SLC4A10: variants seen among roughly 807,000 people sequenced by gnomAD.
The protein encoded by SLC4A10 is solute carrier family 4 member 10.
A neutral mutation model predicts 137.7 loss-of-function variants in SLC4A10; 42 were observed. The ratio of observed to expected loss-of-function variants is 0.30; its 90% CI spans 0.24 to 0.39. The LOEUF is 0.39. Among genes scored for constraint, SLC4A10 ranks in the 10% least tolerant of loss-of-function variants. SLC4A10 has a pLI of 1.00. For missense variants in SLC4A10, 925 were observed against 1,355.0 expected, an observed-to-expected ratio of 0.68 and a Z score of 4.98; for synonymous variants, 474 against 464.1, an observed-to-expected ratio of 1.02 and a Z score of -0.27.
chr2:161,815,323 T>G (rs59829975), intron 3 of SLC4A10, among the ~76,000 whole-genome samples: 10,097 of 152,126 alleles, frequency 0.066, 438 homozygotes, highest in East Asian at 0.15. Flanking sequence ...TGGTGAGTGA[T>G]TTCTCATGAG....
At chr2:161,886,994 A>G (rs2062375065) in intron 10 of SLC4A10, among the ~76,000 whole-genome samples, 1 of 150,536 alleles carries the variant, frequency 6.6e-6, no homozygotes, top group African/African-American at 2.5e-5. Flanking sequence ...TCCTGTGTCC[A>G]TGTGTTCTCA....
intron 4 of SLC4A10, among the ~76,000 whole-genome samples, chr2:161,840,196 A>G (rs1392932660): frequency 6.6e-6 from 1 of 152,228 alleles, no homozygotes; most frequent in African/African-American, 2.4e-5. Context: ...ACAAAACAAA[A>G]GAAATCTAAA....
chr2:161,762,805 A>G (rs1341215304), intron 1 of SLC4A10, among the ~76,000 whole-genome samples: 1 of 152,078 alleles, frequency 6.6e-6, no homozygotes, highest in Non-Finnish European at 1.5e-5. Context: ...TCTATGAAGT[A>G]TTTTAACGTT....
At chr2:161,981,012 G>A (rs572744242) in intron 26 of SLC4A10, among the ~76,000 whole-genome samples, 1 of 152,296 alleles carries the variant, frequency 6.6e-6, no homozygotes, top group Non-Finnish European at 1.5e-5. Context: ...CTGCTTCATA[G>A]TTTGCTGAAA....
At chr2:161,837,919 C>T (rs2058918135) in intron 3 of SLC4A10, among the ~76,000 whole-genome samples, 1 of 152,074 alleles carries the variant, frequency 6.6e-6, no homozygotes, top group South Asian at 2.1e-4. Flanking sequence ...GCCTTTTCCA[C>T]CATGTGATAT....
At chr2:161,676,845 A>T (rs2040327765) in intron 1 of SLC4A10, among the ~76,000 whole-genome samples, 1 of 152,114 alleles carries the variant, frequency 6.6e-6, no homozygotes, top group South Asian at 2.1e-4. Flanking sequence ...TTCTATGAAA[A>T]TGGCACCCTA....
At chr2:161,897,418 C>T (rs796630967) in intron 11 of SLC4A10, among the ~76,000 whole-genome samples, 14 of 152,134 alleles carry the variant, frequency 9.2e-5, no homozygotes, top group East Asian at 1.9e-4. Context: ...CTATTGGAAG[C>T]GGCAGATGGT....
chr2:161,837,215 C>G (rs2058873327), intron 3 of SLC4A10, among the ~76,000 whole-genome samples: 1 of 151,962 alleles, frequency 6.6e-6, no homozygotes, highest in South Asian at 2.1e-4. Context: ...TTCCGTGGAA[C>G]CTACAAAAAA....
intron 1 of SLC4A10, among the ~76,000 whole-genome samples, chr2:161,754,403 A>AT (rs1342433798): frequency 1.3e-5 from 2 of 152,146 alleles, no homozygotes; most frequent in Non-Finnish European, 2.9e-5. Context: ...AACAAAATTA[A>AT]TTTTTTTGGG....
intron 1 of SLC4A10, among the ~76,000 whole-genome samples, chr2:161,721,871 G>A (rs547354254): frequency 6.6e-6 from 1 of 152,170 alleles, no homozygotes; most frequent in South Asian, 2.1e-4. Context: ...GTTCTTGGAT[G>A]TTTTGTTTGT....
At chr2:161,857,853 G>T (rs1168681725) in intron 5 of SLC4A10, among the ~76,000 whole-genome samples, 2 of 152,052 alleles carry the variant, frequency 1.3e-5, no homozygotes, top group Admixed American at 1.3e-4. Context: ...GACCTTTGCA[G>T]AAATAAAAAT....
chr2:161,752,838 G>T (rs1290108579), intron 1 of SLC4A10, among the ~76,000 whole-genome samples: 2 of 152,016 alleles, frequency 1.3e-5, no homozygotes, highest in Non-Finnish European at 2.9e-5. Context: ...CAGGAGGATA[G>T]ATATATCATG....
intron 1 of SLC4A10, among the ~76,000 whole-genome samples, chr2:161,722,210 T>C (rs917192191): frequency 1.3e-5 from 2 of 152,154 alleles, no homozygotes; most frequent in Non-Finnish European, 2.9e-5. Flanking sequence ...CTCAGCCCGG[T>C]TCTATGCTCT....
At chr2:161,761,445 T>C (rs376991193) in intron 1 of SLC4A10, among the ~76,000 whole-genome samples, 3 of 152,054 alleles carry the variant, frequency 2.0e-5, no homozygotes, top group East Asian at 3.9e-4. Context: ...ATCCTGTCCA[T>C]GTTCCAATAA....
intron 1 of SLC4A10, among the ~76,000 whole-genome samples, chr2:161,708,023 G>A (rs867540706): frequency 1.3e-5 from 2 of 150,264 alleles, no homozygotes; most frequent in African/African-American, 4.9e-5. Context: ...TCTTTTGCAT[G>A]TTAAACTTTT....
intron 3 of SLC4A10, among the ~76,000 whole-genome samples, chr2:161,830,324 C>T (rs1461911435): frequency 6.6e-6 from 1 of 152,102 alleles, no homozygotes; most frequent in East Asian, 1.9e-4. Context: ...TATACAATGG[C>T]AGTTTGAAAT....
intron 1 of SLC4A10, among the ~76,000 whole-genome samples, chr2:161,703,088 AT>A (rs2043289226): frequency 6.6e-6 from 1 of 151,784 alleles, no homozygotes; most frequent in Admixed American, 6.6e-5. Context: ...GTAAATAGAT[AT>A]AACCCTTCTG....
Position 161,974,264 on chromosome 2 carries a change from C to G in SLC4A10, c.3175C>G (p.Leu1059Val). 1 of 1,607,018 alleles carries G rather than the reference C, an allele frequency of 6.2e-7. No individual in the cohort carries two copies. The highest frequency in any genetic ancestry group is 8.5e-7 in the Non-Finnish European group (1 of 1,176,744). The change falls in exon 24 of 27, where the codon CTA becomes GTA. Residue 1059 changes from leucine to valine, a missense_variant. This residue lies in a region of SLC4A10 where 84 missense variants were observed against 76.9 expected (regional missense o/e 1.09). Transcript: ENST00000446997. ...GTCTTTTCAGGAAGAACAAAGTATG[C>G]TAGCTATGGAAGATGAGGGCACAGT... ...DAEKEEEQSM[L>V]AMEDEGTVQL... is the part of the protein sequence containing the mutation.
At chr2:161,901,993 T>C (rs1359046036) in intron 12 of SLC4A10, 1 of 455,780 alleles carries the variant, frequency 2.2e-6, no homozygotes, top group Non-Finnish European at 4.4e-6. Flanking sequence ...TTTTTCGAAG[T>C]TCACTTTTCC....
Sources: allele counts gnomAD v4.1 joint callset (sites outside exome capture counted in the v4.1 genomes callset), GRCh38; gene constraint gnomAD v4.1.1; regional missense constraint gnomAD v4.1.1; transcripts MANE v1.5; gene names NCBI Gene and HGNC (gene_info 2026-07-23, HGNC 2026-07-21).